Variants in SPAG17 observed in about 807,000 individuals in gnomAD.
The protein encoded by SPAG17 is sperm-associated antigen 17.
A neutral mutation model predicts 273.6 loss-of-function variants in SPAG17; 169 were observed. That is an observed-to-expected ratio of 0.62 (90% CI 0.55 to 0.70). The LOEUF is 0.70. SPAG17 is among the 30% of genes least tolerant of loss of function. The pLI is 0.00. For synonymous variants in SPAG17, 825 were observed against 873.2 expected (o/e 0.94, Z 0.97); for missense variants, 2,557 against 2,627.8 (o/e 0.97, Z 0.59).
chr1:118,060,998 T>C (rs980179595), intron 18 of SPAG17, among the ~76,000 whole-genome samples: 2 of 152,142 alleles, frequency 1.3e-5, no homozygotes, highest in Admixed American at 1.3e-4. Context: ...TTAGATATCA[T>C]TTCACTTATA....
chr1:117,964,584 AG>A (rs1435032831), intron 47 of SPAG17: 3 of 152,132 alleles, frequency 2.0e-5, no homozygotes, highest in Admixed American at 6.5e-5. Flanking sequence ...GGAAGGTGAG[AG>A]GAAGGGAGAG....
chr1:118,086,033 T>C lies in SPAG17; in HGVS notation c.1651A>G (p.Met551Val), dbSNP rs768130021. Residue 551 changes from methionine to valine, a missense_variant, in exon 13 of 49, where the codon ATG becomes GTG. By Grantham distance (21) the Met-to-Val change is conservative. Transcript: ENST00000336338. ...TCCCACAGTGGCAACTTGGACTGCA[T>C]CTCCTGCTCAATTTGAACTGGATCA... Reference protein sequence around the residue: ...NFDPVQIEQEMQSKLPLWEFL... With the variant: ...NFDPVQIEQEVQSKLPLWEFL... 1.4e-5 allele frequency: 22 copies of C among 1,613,626 alleles called. No individual in the cohort carries two copies. Among genetic ancestry groups the C allele is most frequent in the Non-Finnish European group, 1.9e-5 (22 of 1,179,936 alleles).
intron 32 of SPAG17, among the ~76,000 whole-genome samples, chr1:117,999,437 C>T (rs541624386): frequency 1.6e-4 from 25 of 152,274 alleles, no homozygotes; most frequent in African/African-American, 6.0e-4. Context: ...CTAGTTTACA[C>T]TCCCACCAAC....
Position 117,996,660 on chromosome 1 carries a change from A to G in SPAG17, c.4860T>C (p.Asp1620=). The part of the protein sequence containing the change: ...DDLNEKTEGY[D]SLSSMHLEKN... Reference sequence around the variant, plus strand: ...TTTCAAGGTGCATAGAGGACAGACTATCATAGCCCTCAGTTTTCTCATTTA... The same window carrying G: ...TTTCAAGGTGCATAGAGGACAGACTGTCATAGCCCTCAGTTTTCTCATTTA... The change falls in exon 33 of 49, where the codon GAT becomes GAC. Residue 1620 remains aspartate, a synonymous_variant. Transcript: ENST00000336338. 1 of 1,612,902 alleles carries G rather than the reference A, an allele frequency of 6.2e-7. No individual in the cohort carries two copies. The highest frequency in any genetic ancestry group is 8.5e-7 in the Non-Finnish European group (1 of 1,179,374).
chr1:118,182,684 A>C (rs1310967353), intron 1 of SPAG17, among the ~76,000 whole-genome samples: 1 of 152,110 alleles, frequency 6.6e-6, no homozygotes. Context: ...TTTTTCTCCC[A>C]ATCTAAATGT....
intron 4 of SPAG17, among the ~76,000 whole-genome samples, chr1:118,102,463 GATT>G (rs991976091): frequency 6.6e-6 from 1 of 152,180 alleles, no homozygotes; most frequent in African/African-American, 2.4e-5. Context: ...AAGATTAAAA[GATT>G]ATTTGGGGAA....
At chr1:118,067,172 G>A (rs1214840237) in intron 17 of SPAG17, among the ~76,000 whole-genome samples, 1 of 152,134 alleles carries the variant, frequency 6.6e-6, no homozygotes, top group Non-Finnish European at 1.5e-5. Flanking sequence ...ATTAAGGTTG[G>A]TAGGTAATAA....
intron 5 of SPAG17, among the ~76,000 whole-genome samples, chr1:118,100,963 T>A (rs754026237): frequency 3.9e-5 from 6 of 152,228 alleles, no homozygotes; most frequent in Non-Finnish European, 7.3e-5. Context: ...GTTTCACTCA[T>A]GACCATAATC....
At chr1:118,096,353 C>CT (rs5777333) in intron 7 of SPAG17, among the ~76,000 whole-genome samples, 58,205 of 146,102 alleles carry the variant, frequency 0.4, 12,082 homozygotes, top group East Asian at 0.57. Context: ...AGACAGTCGG[C>CT]TTTTTTTTTT....
rs2101257971 is a variant in SPAG17 at position 117,955,503 on chromosome 1, T to G, written c.*1-1454A>C. 1.2e-5 allele frequency: 9 copies of G among 742,990 alleles called. No individual in the cohort carries two copies. In the South Asian group the frequency reaches 2.3e-4, roughly 19 times the overall value. 46.0% of individuals were successfully genotyped at this position (742,990 alleles called of 1,614,324 possible). A position where few individuals can be genotyped will look rare whatever the true frequency, so the allele number is the denominator to read the frequency against. The stretch of plus-strand genomic sequence containing the variant: ...CAAAGTTTTGATGGAAAATAATTTA[T>G]AATGTTCTTTTTGAAGTGCTAGAAC... On this transcript the variant is annotated intron_variant, in intron 48 of 48. Transcript: ENST00000336338.
At chr1:118,043,485 C>G (rs1376419652) in intron 20 of SPAG17, among the ~76,000 whole-genome samples, 4 of 152,136 alleles carry the variant, frequency 2.6e-5, no homozygotes, top group African/African-American at 9.7e-5. Context: ...TCAAAACTTA[C>G]CACAACGTAA....
At chr1:118,110,570 T>G (rs1656697393) in intron 4 of SPAG17, among the ~76,000 whole-genome samples, 1 of 152,178 alleles carries the variant, frequency 6.6e-6, no homozygotes, top group Non-Finnish European at 1.5e-5. Context: ...ACTGAGCCAT[T>G]TCTGCGTGGG....
chr1:118,154,703 GA>G (rs1345651796), intron 1 of SPAG17, among the ~76,000 whole-genome samples: 1 of 151,948 alleles, frequency 6.6e-6, no homozygotes, highest in East Asian at 1.9e-4. Context: ...GCAGCTAAAT[GA>G]AGTCCTTAAA....
Position 118,047,486 on chromosome 1 carries a change from T to C in SPAG17, c.2815-5444A>G, listed in dbSNP as rs1160196886. On this transcript the variant is annotated intron_variant, in intron 20 of 48. Transcript: ENST00000336338. ...TGCCAGGCCCACCTCAGTGGTCGCG[T>C]ACTCCAGGCTGCCTCTAGCATCAAG... Among the ~76,000 whole-genome samples the C allele has an allele frequency of 2.0e-5, 3 of 151,932 alleles. No homozygotes were observed. The East Asian group carries it at 5.8e-4, about 29-fold the overall frequency.
rs762608008 is a variant in SPAG17 at position 117,983,870 on chromosome 1, G to C, written c.5813C>G (p.Thr1938Arg). The change falls in exon 42 of 49, where the codon ACA (threonine) becomes AGA (arginine). Residue 1938 changes from threonine to arginine, a missense_variant. By Grantham distance (71) the Thr-to-Arg change is moderately conservative. Transcript: ENST00000336338. ...DSLSKKLPSF[T>R]KKNEDANETA... ...TTCGTTTGCATCTTCATTTTTCTTT[G>C]TAAAAGAAGGCAGTTTTTTGGAAAG... The C allele has an allele frequency of 1.2e-6, 2 of 1,612,082 alleles. No homozygotes were observed. Among genetic ancestry groups the C allele is most frequent in the South Asian group, 2.2e-5 (2 of 90,948 alleles).
chr1:117,970,123 G>A lies in SPAG17; in HGVS notation c.6327-7C>T. 1.2e-6 allele frequency: 2 copies of A among 1,608,292 alleles called. No individual in the cohort carries two copies. The highest frequency in any genetic ancestry group is 1.1e-5 in the South Asian group (1 of 89,686). On this transcript the variant is annotated splice_region_variant and splice_polypyrimidine_tract_variant and intron_variant, in intron 45 of 48. Coordinates refer to ENST00000336338, the MANE Select transcript of SPAG17 (RefSeq NM_206996.4). ...GGGCTGCTTTACTTTAAACCTACAA[G>A]GCAGAAAGATAAAAATAAATTTATG... is the stretch of plus-strand genomic sequence containing the variant.
At chr1:118,065,183 T>G (rs900282984) in intron 18 of SPAG17, among the ~76,000 whole-genome samples, 1 of 152,170 alleles carries the variant, frequency 6.6e-6, no homozygotes, top group Admixed American at 6.5e-5. Context: ...AATATTTTAA[T>G]GAACTTTATG....
chr1:118,027,202 G>A (rs373392162), intron 26 of SPAG17, among the ~76,000 whole-genome samples: 1 of 152,184 alleles, frequency 6.6e-6, no homozygotes, highest in South Asian at 2.1e-4. Context: ...AAGACATGCA[G>A]CACAGTGGGA....
chr1:117,978,415 C>T (rs1655368621), intron 43 of SPAG17, among the ~76,000 whole-genome samples: 1 of 152,180 alleles, frequency 6.6e-6, no homozygotes. Flanking sequence ...CATGTTCTTC[C>T]ATCTTCTTTA....
Sources: gnomAD v4.1 joint callset for allele counts (sites outside exome capture counted in the v4.1 genomes callset) on GRCh38, gnomAD v4.1.1 for gene constraint, MANE v1.5 for transcripts, NCBI Gene and HGNC (gene_info 2026-07-23, HGNC 2026-07-21) for gene names.